C12orf42: variants seen among roughly 807,000 people sequenced by gnomAD.
The protein encoded by C12orf42 is uncharacterized protein C12orf42.
A neutral mutation model predicts 21.6 loss-of-function variants in C12orf42; 25 were observed. That is an observed-to-expected ratio of 1.16 (90% CI 0.84 to 1.62). The LOEUF (loss-of-function observed/expected upper bound fraction) is 1.62, where lower values mean the gene tolerates loss of function less well. Ranked by LOEUF, C12orf42 falls within the 40% of genes most tolerant of loss-of-function variation. The pLI is 0.00. For missense variants in C12orf42, 483 were observed against 459.3 expected (o/e 1.05, Z -0.47); for synonymous variants, 174 against 175.0 (o/e 0.99, Z 0.05).
chr12:103,164,391 T>C, the C12orf42 span: 1 of 456,056 alleles, frequency 2.2e-6, no homozygotes, highest in South Asian at 1.5e-5. Flanking sequence ...TCTTTCTTCT[T>C]CTTGGCAGCA....
At chr12:103,057,156 C>G in the C12orf42 span, among the ~76,000 whole-genome samples, 1 of 150,610 alleles carries the variant, frequency 6.6e-6, no homozygotes, top group East Asian at 1.9e-4. Context: ...ACTGTGCTGA[C>G]AAGGGAAGGG....
intron 4 of C12orf42, among the ~76,000 whole-genome samples, chr12:103,346,063 C>A (rs183353260): frequency 1.8e-3 from 272 of 152,242 alleles, no homozygotes; most frequent in African/African-American, 6.1e-3. Context: ...GAAATATCTG[C>A]AGCATGCTCT....
At chr12:103,132,669 C>G in the C12orf42 span, among the ~76,000 whole-genome samples, 1 of 152,170 alleles carries the variant, frequency 6.6e-6, no homozygotes, top group Non-Finnish European at 1.5e-5. Context: ...CAGTCACCAC[C>G]AAGGTTGGCT....
chr12:103,247,607 C>G (rs2034069866), intron 10 of C12orf42, among the ~76,000 whole-genome samples: 1 of 151,992 alleles, frequency 6.6e-6, no homozygotes, highest in African/African-American at 2.4e-5. Flanking sequence ...TCCTCACACC[C>G]ACCCCAATTC....
intron 2 of C12orf42, among the ~76,000 whole-genome samples, chr12:103,403,382 A>G (rs1028098993): frequency 1.3e-5 from 2 of 152,086 alleles, no homozygotes; most frequent in African/African-American, 4.8e-5. Flanking sequence ...TCTCAAAAAA[A>G]AAAAAAAAAG....
At chr12:103,423,548 C>G (rs10745966) in intron 2 of C12orf42, among the ~76,000 whole-genome samples, 37 of 152,010 alleles carry the variant, frequency 2.4e-4, no homozygotes, top group Non-Finnish European at 4.9e-4. Flanking sequence ...AATCAAGTCT[C>G]CCAGTATTAA....
chr12:103,437,872 T>C (rs1193740192), intron 2 of C12orf42, among the ~76,000 whole-genome samples: 28 of 139,892 alleles, frequency 2.0e-4, no homozygotes, highest in African/African-American at 6.9e-4. Context: ...TTCCAATCAA[T>C]AGAAAAAGAG....
intron 4 of C12orf42, among the ~76,000 whole-genome samples, chr12:103,331,860 G>A (rs1294648682): frequency 1.3e-5 from 2 of 152,194 alleles, no homozygotes; most frequent in African/African-American, 2.4e-5. Flanking sequence ...GAAGACACAG[G>A]ATAGCAGTAT....
the C12orf42 span, among the ~76,000 whole-genome samples, chr12:103,538,677 C>A: frequency 5.9e-5 from 9 of 152,340 alleles, no homozygotes; most frequent in East Asian, 9.6e-4. Context: ...TCTGTGATTT[C>A]TGGATAAACT....
chr12:103,421,242 C>T (rs2049874917), intron 2 of C12orf42, among the ~76,000 whole-genome samples: 1 of 151,934 alleles, frequency 6.6e-6, no homozygotes, highest in Non-Finnish European at 1.5e-5. Flanking sequence ...GGAAAGGAGG[C>T]AAAGAGAAAA....
At chr12:103,391,877 G>A in intron 3 of C12orf42, among the ~76,000 whole-genome samples, 1 of 151,878 alleles carries the variant, frequency 6.6e-6, no homozygotes, top group East Asian at 1.9e-4. Flanking sequence ...CTATGCTTTT[G>A]TGTCATATTT....
intron 1 of C12orf42, among the ~76,000 whole-genome samples, chr12:103,492,435 G>T (rs1289897923): frequency 6.6e-6 from 1 of 152,144 alleles, no homozygotes; most frequent in African/African-American, 2.4e-5. Flanking sequence ...CTAGTCACAT[G>T]GCATATCTTC....
the C12orf42 span, among the ~76,000 whole-genome samples, chr12:103,055,075 C>T: frequency 6.6e-6 from 1 of 151,822 alleles, no homozygotes; most frequent in African/African-American, 2.4e-5. Flanking sequence ...TTGGATAATA[C>T]TCCTTAAAAT....
the C12orf42 span, among the ~76,000 whole-genome samples, chr12:103,213,505 T>A: frequency 6.6e-6 from 1 of 152,198 alleles, no homozygotes; most frequent in East Asian, 1.9e-4. Flanking sequence ...AGCATGCATA[T>A]CTAAAGCATA....
chr12:103,061,057 C>A, the C12orf42 span, among the ~76,000 whole-genome samples: 1 of 152,122 alleles, frequency 6.6e-6, no homozygotes, highest in Non-Finnish European at 1.5e-5. Flanking sequence ...ACGTTTCCTG[C>A]TCATTCTCTG....
At chr12:103,241,477 T>C (rs1402864538) in intron 10 of C12orf42, among the ~76,000 whole-genome samples, 1 of 152,182 alleles carries the variant, frequency 6.6e-6, no homozygotes, top group Non-Finnish European at 1.5e-5. Context: ...CTGGCAAATT[T>C]TCCTATTTAC....
chr12:103,062,848 CTA>C, the C12orf42 span, among the ~76,000 whole-genome samples: 1 of 151,972 alleles, frequency 6.6e-6, no homozygotes. Context: ...CTATTCCATT[CTA>C]TCTCTCCCTC....
intron 10 of C12orf42, among the ~76,000 whole-genome samples, chr12:103,251,590 TCAAA>T (rs1177425210): frequency 1.3e-5 from 2 of 152,258 alleles, no homozygotes; most frequent in Non-Finnish European, 2.9e-5. Context: ...AAGAGATTGC[TCAAA>T]CAAAGGAAGA....
chr12:103,494,542 C>T (rs547045470), intron 1 of C12orf42, among the ~76,000 whole-genome samples: 2 of 151,096 alleles, frequency 1.3e-5, no homozygotes, highest in East Asian at 4.2e-4. Flanking sequence ...TTTTTAAGCA[C>T]TCTATGTGGC....
Sources: gnomAD v4.1 joint callset for allele counts (sites outside exome capture counted in the v4.1 genomes callset) on GRCh38, gnomAD v4.1.1 for gene constraint, MANE v1.5 for transcripts, NCBI Gene and HGNC (gene_info 2026-07-23, HGNC 2026-07-21) for gene names.